The following TRPM1 variants were observed in gnomAD, a reference collection of about 807,000 sequenced individuals.
The protein encoded by TRPM1 is TRPM1-203 APA Isoform, Intron 10.
Under a neutral mutation model 149.4 loss-of-function variants are expected in TRPM1, and 113 were observed. The ratio of observed to expected loss-of-function variants is 0.76; its 90% CI spans 0.65 to 0.88. The LOEUF is 0.88. Among genes scored for constraint, TRPM1 ranks in the 40% least tolerant of loss-of-function variants. The probability of loss-of-function intolerance (pLI) is 0.00; values close to 1 mark genes in which losing one functional copy is unlikely to be tolerated. For missense variants in TRPM1, 1,976 were observed against 2,038.7 expected, an observed-to-expected ratio of 0.97 and a Z score of 0.59; for synonymous variants, 741 against 759.5, an observed-to-expected ratio of 0.98 and a Z score of 0.40.
chr15:31,023,071 T>C (rs1470601126), intron 27 of TRPM1, among the ~76,000 whole-genome samples: 1 of 152,210 alleles, frequency 6.6e-6, no homozygotes, highest in Non-Finnish European at 1.5e-5. Flanking sequence ...TATGTGGATA[T>C]GTGCAGGCTC....
Position 31,066,194 on chromosome 15 carries a change from G to C in TRPM1, c.672C>G (p.Leu224=), listed in dbSNP as rs2140961180. 1 of 1,614,196 alleles carries C rather than the reference G, an allele frequency of 6.2e-7. No individual in the cohort carries two copies. Among genetic ancestry groups the C allele is most frequent in the South Asian group, 1.1e-5 (1 of 91,084 alleles). Residue 224 remains leucine (L), a synonymous_variant, in exon 7 of 28, where the codon CTC becomes CTG. Coordinates refer to ENST00000256552, the MANE Select transcript of TRPM1 (RefSeq NM_001252024.2). ...MSNPLSKLSV[L]NNSHTHFILA... ...GGATGAAGTGGGTGTGGGAGTTGTT[G>C]AGCACAGAGAGCTTACTTAGAGGGT...
chr15:31,076,888 C>G lies in TRPM1; in HGVS notation c.83+17G>C, dbSNP rs570704543. On this transcript the variant is annotated intron_variant, in intron 3 of 27. Transcript: ENST00000256552. ...GCACTGGTTTGGATAATGTCTTAAT[C>G]GTGGATTTCAATTTACCTGTTAGAG... is the stretch of plus-strand genomic sequence containing the variant. 6.4e-7 allele frequency: 1 copy of G among 1,551,900 alleles called. No homozygotes were observed. The highest frequency in any genetic ancestry group is 8.9e-7 in the Non-Finnish European group (1 of 1,124,118).
At chr15:31,104,801 G>A (rs180892384), upstream of TRPM1, among the ~76,000 whole-genome samples, 639 of 151,852 alleles carry the variant, frequency 4.2e-3, 5 homozygotes, top group African/African-American at 8.6e-3. Flanking sequence ...TCACCGTGTT[G>A]GCCAGGATGG....
intron 1 of TRPM1, among the ~76,000 whole-genome samples, chr15:31,109,697 C>CT (rs2035658672): frequency 7.6e-6 from 1 of 130,834 alleles, no homozygotes; most frequent in Non-Finnish European, 1.7e-5. Flanking sequence ...GAGACTCTGT[C>CT]TAAAAAAAAA....
intron 11 of TRPM1, among the ~76,000 whole-genome samples, chr15:31,058,009 G>A (rs184189130): frequency 3.9e-5 from 6 of 152,266 alleles, no homozygotes; most frequent in African/African-American, 1.2e-4. Flanking sequence ...TTGGAGATGT[G>A]AGTCAATTAA....
intron 1 of TRPM1, among the ~76,000 whole-genome samples, chr15:31,143,279 G>C (rs1203932833): frequency 6.6e-6 from 1 of 152,214 alleles, no homozygotes; most frequent in Non-Finnish European, 1.5e-5. Context: ...ATCAAACAGA[G>C]CAAGAATTAA....
At position 31,047,156 on chromosome 15, in the gene TRPM1, C is replaced by G; in HGVS notation, c.1719G>C (p.Arg573=). ...MGGAYRCNYT[R]KNFRTLYNNL... ...TGTTGTAAAGGGTCCGAAAGTTTTT[C>G]CGAGTGTAGTTGCAGCGGTAGGCTC... is the stretch of plus-strand genomic sequence containing the variant. Residue 573 remains arginine, a synonymous_variant, in exon 15 of 28, where the codon CGG becomes CGC. Transcript: ENST00000256552. The G allele has an allele frequency of 1.9e-6, 3 of 1,614,226 alleles. No individual in the cohort carries two copies. The highest frequency in any genetic ancestry group is 2.5e-6 in the Non-Finnish European group (3 of 1,180,044).
chr15:31,026,388 C>CAGTT, intron 26 of TRPM1, 117 bp from the exon 27 acceptor site: 2 of 1,216,218 alleles, frequency 1.6e-6, no homozygotes, highest in South Asian at 2.6e-5. Context: ...ACTCCTAAGG[C>CAGTT]AGTTCGCCAC....
intron 4 of TRPM1, chr15:31,069,679 C>T: frequency 1.4e-6 from 2 of 1,415,126 alleles, no homozygotes; most frequent in Non-Finnish European, 1.8e-6. Context: ...ACTCTCAACA[C>T]ATCTAAGGGG....
intron 1 of TRPM1, among the ~76,000 whole-genome samples, chr15:31,133,774 T>C (rs558794757): frequency 3.3e-5 from 5 of 152,206 alleles, no homozygotes; most frequent in African/African-American, 1.2e-4. Flanking sequence ...CTAGAGCTTC[T>C]CCAGACAAGA....
chr15:31,024,812 T>C (rs1183838868), intron 27 of TRPM1, among the ~76,000 whole-genome samples: 1 of 152,264 alleles, frequency 6.6e-6, no homozygotes, highest in Non-Finnish European at 1.5e-5. Context: ...TTTTTATACC[T>C]TGAAAGTTTA....
intron 27 of TRPM1, among the ~76,000 whole-genome samples, chr15:31,019,825 C>T (rs1365114808): frequency 2.0e-5 from 3 of 151,594 alleles, no homozygotes; most frequent in Non-Finnish European, 2.9e-5. Flanking sequence ...TTCGCTGCCA[C>T]ACCTGGCTAA....
chr15:31,091,521 G>A (rs1468367220), intron 1 of TRPM1, among the ~76,000 whole-genome samples: 1 of 152,226 alleles, frequency 6.6e-6, no homozygotes, highest in Non-Finnish European at 1.5e-5. Context: ...AGATCCGAAG[G>A]GCAGGGAAGG....
chr15:31,090,939 A>G (rs1333473516), intron 1 of TRPM1, among the ~76,000 whole-genome samples: 1 of 152,180 alleles, frequency 6.6e-6, no homozygotes, highest in African/African-American at 2.4e-5. Flanking sequence ...CTGATTTCTC[A>G]TGGTTTCTGT....
chr15:31,088,863 A>G (rs55682473), intron 1 of TRPM1, among the ~76,000 whole-genome samples: 13,390 of 87,144 alleles, frequency 0.15, 689 homozygotes, highest in South Asian at 0.26. Flanking sequence ...TGCTGCGGGT[A>G]TTGACATTTG....
chr15:31,019,514 G>A (rs1217059883), intron 27 of TRPM1, among the ~76,000 whole-genome samples: 1 of 152,152 alleles, frequency 6.6e-6, no homozygotes, highest in Non-Finnish European at 1.5e-5. Flanking sequence ...AGATTCTCCT[G>A]CCTCAGCCTC....
intron 23 of TRPM1, 108 bp downstream of exon 23, chr15:31,030,875 G>A: frequency 7.5e-7 from 1 of 1,330,868 alleles, no homozygotes; most frequent in East Asian, 2.3e-5. Flanking sequence ...ATGGTGGAGT[G>A]ACAAATATTT....
chr15:31,011,862 C>T (rs1195429900), intron 27 of TRPM1, among the ~76,000 whole-genome samples: 1 of 152,116 alleles, frequency 6.6e-6, no homozygotes, highest in African/African-American at 2.4e-5. Flanking sequence ...TGGGGTTTCA[C>T]TATGTTGGCC....
intron 27 of TRPM1, among the ~76,000 whole-genome samples, chr15:31,020,265 C>T (rs936019572): frequency 6.6e-6 from 1 of 152,266 alleles, no homozygotes; most frequent in Non-Finnish European, 1.5e-5. Flanking sequence ...TAACCCCCAA[C>T]CTATTGCTAC....
Sources: allele counts gnomAD v4.1 joint callset (sites outside exome capture counted in the v4.1 genomes callset), GRCh38; gene constraint gnomAD v4.1.1; transcripts MANE v1.5; gene names NCBI Gene and HGNC (gene_info 2026-07-23, HGNC 2026-07-21).